ADAMTS17: variants seen among roughly 807,000 people sequenced by gnomAD.
ADAMTS17 encodes A disintegrin and metalloproteinase with thrombospondin motifs 17.
ADAMTS17 carries 113 observed loss-of-function variants against 141.5 expected under a neutral mutation model. The ratio of observed to expected loss-of-function variants is 0.80; its 90% CI spans 0.69 to 0.93. ADAMTS17 has a LOEUF of 0.93. ADAMTS17 is among the 40% of genes least tolerant of loss of function. ADAMTS17 has a pLI of 0.00. For synonymous variants in ADAMTS17, 768 were observed against 630.6 expected (o/e 1.22, Z -3.27); for missense variants, 1,659 against 1,517.9 (o/e 1.09, Z -1.54).
intron 6 of ADAMTS17, among the ~76,000 whole-genome samples, chr15:100,259,569 G>C (rs528642323): frequency 9.1e-4 from 138 of 152,302 alleles, no homozygotes; most frequent in Non-Finnish European, 1.6e-3. Flanking sequence ...TACTACATCA[G>C]CCATGTCATA....
intron 3 of ADAMTS17, among the ~76,000 whole-genome samples, chr15:100,290,761 C>T (rs2044601230): frequency 6.6e-6 from 1 of 152,104 alleles, no homozygotes; most frequent in African/African-American, 2.4e-5. Context: ...AGGGAAAGGA[C>T]TTTCTATTCA....
chr15:100,009,888 C>T (rs570898378), intron 18 of ADAMTS17, among the ~76,000 whole-genome samples: 1 of 152,354 alleles, frequency 6.6e-6, no homozygotes, highest in African/African-American at 2.4e-5. Flanking sequence ...GATTTACCTG[C>T]TCTGAGCTTT....
chr15:100,136,499 G>C (rs946212074), intron 10 of ADAMTS17, among the ~76,000 whole-genome samples: 22 of 152,178 alleles, frequency 1.4e-4, no homozygotes, highest in African/African-American at 5.3e-4. Flanking sequence ...ATGCCTTCTA[G>C]ATCAACAGCC....
chr15:100,251,963 T>C (rs1279107218), intron 7 of ADAMTS17, among the ~76,000 whole-genome samples: 4 of 152,098 alleles, frequency 2.6e-5, no homozygotes, highest in Admixed American at 6.5e-5. Flanking sequence ...AGCCTCCGGA[T>C]CTGTGAGACA....
intron 5 of ADAMTS17, 89 bp from the exon 6 acceptor site, chr15:100,261,725 GC>G (rs1479012585): frequency 7.0e-7 from 1 of 1,434,970 alleles, no homozygotes; most frequent in African/African-American, 1.4e-5. Context: ...TAAGGTGGAG[GC>G]AGTCACTCAC....
At chr15:100,119,009 T>C (rs1016711280) in intron 12 of ADAMTS17, among the ~76,000 whole-genome samples, 1 of 137,504 alleles carries the variant, frequency 7.3e-6, no homozygotes, top group African/African-American at 2.5e-5. Flanking sequence ...TAATCCAATA[T>C]GAAGTGTCCT....
At chr15:99,992,101 G>C (rs1170729361) in intron 20 of ADAMTS17, among the ~76,000 whole-genome samples, 1 of 152,056 alleles carries the variant, frequency 6.6e-6, no homozygotes, top group Non-Finnish European at 1.5e-5. Context: ...ATGATGGGTT[G>C]ATGGGCGCAG....
chr15:100,238,233 C>T (rs951444845), intron 7 of ADAMTS17, among the ~76,000 whole-genome samples: 2 of 152,216 alleles, frequency 1.3e-5, no homozygotes, highest in Admixed American at 6.5e-5. Flanking sequence ...TTTGGCCACT[C>T]CAGGTAAAAT....
At chr15:100,202,697 C>A (rs1314635018) in intron 7 of ADAMTS17, among the ~76,000 whole-genome samples, 1 of 152,204 alleles carries the variant, frequency 6.6e-6, no homozygotes, top group Non-Finnish European at 1.5e-5. Context: ...AGAGATACCC[C>A]CACCGTCTCA....
At chr15:100,286,459 G>C (rs2044451916) in intron 3 of ADAMTS17, among the ~76,000 whole-genome samples, 2 of 152,184 alleles carry the variant, frequency 1.3e-5, no homozygotes, top group Admixed American at 6.5e-5. Context: ...GAACACCTCA[G>C]CCTCTCCAGT....
rs2043731369 is a variant in ADAMTS17 at position 100,266,812 on chromosome 15, G to C, written c.790-4377C>G. Among the ~76,000 whole-genome samples, 3 of 152,182 alleles carry C rather than the reference G, an allele frequency of 2.0e-5. No individual in the cohort carries two copies. In the South Asian group the frequency reaches 6.2e-4, roughly 32 times the overall value. ...TCTGCAGGGCACTTACCACGCTCTG[G>C]TTTTCCTTCTCACTGATTTGCATGT... On this transcript the variant is annotated intron_variant, in intron 4 of 21. Transcript: ENST00000268070.
chr15:100,151,782 C>T (rs2039176931), intron 10 of ADAMTS17, among the ~76,000 whole-genome samples: 2 of 152,150 alleles, frequency 1.3e-5, no homozygotes, highest in African/African-American at 4.8e-5. Context: ...GTCTGCTACA[C>T]AGATGGCCAC....
chr15:100,011,619 G>A (rs2061185042), intron 18 of ADAMTS17, among the ~76,000 whole-genome samples: 1 of 152,112 alleles, frequency 6.6e-6, no homozygotes, highest in African/African-American at 2.4e-5. Context: ...CACTTTATAT[G>A]ATTCAACTTA....
intron 10 of ADAMTS17, among the ~76,000 whole-genome samples, chr15:100,151,495 G>C (rs746733919): frequency 3.9e-4 from 59 of 152,128 alleles, no homozygotes; most frequent in African/African-American, 1.2e-4. Flanking sequence ...TGTGTGCTTT[G>C]GTGCTGCTCC....
chr15:100,126,449 T>C (rs1224907165), intron 12 of ADAMTS17: 1 of 152,086 alleles, frequency 6.6e-6, no homozygotes, highest in Non-Finnish European at 1.5e-5. Flanking sequence ...CAAGGCTGGG[T>C]TCTGTGTTGA....
intron 14 of ADAMTS17, among the ~76,000 whole-genome samples, chr15:100,104,262 A>C (rs1380558355): frequency 5.3e-5 from 8 of 152,220 alleles, no homozygotes; most frequent in Non-Finnish European, 8.8e-5. Flanking sequence ...AGGAATCATT[A>C]ATGATGGGAC....
intron 15 of ADAMTS17, among the ~76,000 whole-genome samples, chr15:100,071,484 A>G (rs1368545957): frequency 6.7e-6 from 1 of 150,304 alleles, no homozygotes; most frequent in African/African-American, 2.5e-5. Context: ...ATTGATGCAA[A>G]AATCCTCAAT....
rs956530921 is a variant in ADAMTS17, at chr15:100,230,184, G to A, written c.1075+23952C>T. ...CAGTTAAACTTTCTCCGCAGTTTGG[G>A]CTTGCAGAAGAGCACAAACACGTCA... On this transcript the variant is annotated intron_variant, in intron 7 of 21. Coordinates refer to ENST00000268070, the MANE Select transcript of ADAMTS17 (RefSeq NM_139057.4). 4.6e-5 allele frequency among the ~76,000 whole-genome samples: 7 copies of A among 152,050 alleles called. No homozygotes were observed. The East Asian group carries it at 1.4e-3, about 29-fold the overall frequency.
At chr15:100,073,316 G>A (rs1444204361) in intron 15 of ADAMTS17, among the ~76,000 whole-genome samples, 1 of 152,208 alleles carries the variant, frequency 6.6e-6, no homozygotes, top group Non-Finnish European at 1.5e-5. Context: ...CTGCTGGTAG[G>A]ACTGTAAACT....
Sources: gnomAD v4.1 joint callset for allele counts (sites outside exome capture counted in the v4.1 genomes callset) on GRCh38, gnomAD v4.1.1 for gene constraint, MANE v1.5 for transcripts, NCBI Gene and HGNC (gene_info 2026-07-23, HGNC 2026-07-21) for gene names.